The following METTL24 variants were observed in gnomAD, a reference collection of about 807,000 sequenced individuals.
METTL24 encodes the protein probable methyltransferase-like protein 24.
A neutral mutation model predicts 32.7 loss-of-function variants in METTL24; 29 were observed. The ratio of observed to expected loss-of-function variants is 0.89; its 90% CI spans 0.66 to 1.21. METTL24 has a LOEUF of 1.21. Ranked by LOEUF, METTL24 falls within the 50% of genes most tolerant of loss-of-function variation. The pLI is 0.00. For synonymous variants in METTL24, 163 were observed against 179.5 expected (o/e 0.91, Z 0.73); for missense variants, 439 against 468.1 (o/e 0.94, Z 0.57).
At chr6:110,330,808 C>T (rs970139055) in intron 1 of METTL24, among the ~76,000 whole-genome samples, 3 of 152,130 alleles carry the variant, frequency 2.0e-5, no homozygotes, top group Non-Finnish European at 4.4e-5. Flanking sequence ...ACAAATATAT[C>T]GACATTATCC....
At chr6:110,334,304 G>A (rs139415700) in intron 1 of METTL24, among the ~76,000 whole-genome samples, 1 of 152,252 alleles carries the variant, frequency 6.6e-6, no homozygotes, top group East Asian at 1.9e-4. Context: ...TCACGGAAAA[G>A]AATTAAAATG....
At chr6:110,288,340 C>T (rs1009000055) in intron 4 of METTL24, among the ~76,000 whole-genome samples, 4 of 152,142 alleles carry the variant, frequency 2.6e-5, no homozygotes, top group Non-Finnish European at 5.9e-5. Flanking sequence ...CCCAGACCTC[C>T]GGAATCACTA....
chr6:110,277,148 TC>T (rs1262870775), intron 4 of METTL24, among the ~76,000 whole-genome samples: 1 of 152,222 alleles, frequency 6.6e-6, no homozygotes, highest in Non-Finnish European at 1.5e-5. Flanking sequence ...AGAGCGCTTT[TC>T]TTCGTGAAAT....
chr6:110,254,458 G>A (rs1383107405), intron 4 of METTL24, among the ~76,000 whole-genome samples: 2 of 151,874 alleles, frequency 1.3e-5, no homozygotes, highest in Non-Finnish European at 2.9e-5. Flanking sequence ...ATGGCAAAAT[G>A]CTGTCTCTAC....
intron 4 of METTL24, among the ~76,000 whole-genome samples, chr6:110,287,532 G>C (rs1348643035): frequency 1.3e-5 from 2 of 152,160 alleles, no homozygotes; most frequent in African/African-American, 4.8e-5. Flanking sequence ...AAATTGCCCT[G>C]GGACCTGAAA....
chr6:110,301,675 T>C (rs1186562376), intron 3 of METTL24, among the ~76,000 whole-genome samples: 2 of 152,176 alleles, frequency 1.3e-5, no homozygotes, highest in African/African-American at 4.8e-5. Flanking sequence ...CCTGCAGACA[T>C]ACAAGCAACA....
At chr6:110,343,868 C>T (rs549820651) in intron 1 of METTL24, among the ~76,000 whole-genome samples, 1 of 152,026 alleles carries the variant, frequency 6.6e-6, no homozygotes. Context: ...CAGTGCAGAG[C>T]GAAGAGGAGA....
At chr6:110,293,529 CAATAAT>C (rs1331633964) in intron 4 of METTL24, among the ~76,000 whole-genome samples, 1 of 151,820 alleles carries the variant, frequency 6.6e-6, no homozygotes, top group Non-Finnish European at 1.5e-5. Context: ...ATATGTCCTT[CAATAAT>C]AATAATATCT....
intron 1 of METTL24, among the ~76,000 whole-genome samples, chr6:110,332,046 C>A (rs1772119280): frequency 6.6e-6 from 1 of 152,156 alleles, no homozygotes; most frequent in African/African-American, 2.4e-5. Flanking sequence ...AAATCCAGAG[C>A]GCCAATCTGC....
intron 4 of METTL24, among the ~76,000 whole-genome samples, chr6:110,275,605 C>T (rs1771033649): frequency 6.6e-6 from 1 of 152,176 alleles, no homozygotes; most frequent in Non-Finnish European, 1.5e-5. Context: ...TTTGTCTCCT[C>T]CTAGAGACCA....
At chr6:110,305,634 T>C (rs1034877109) in intron 3 of METTL24, among the ~76,000 whole-genome samples, 1 of 151,890 alleles carries the variant, frequency 6.6e-6, no homozygotes, top group Non-Finnish European at 1.5e-5. Flanking sequence ...AGATGCCATC[T>C]CATGCCAGTT....
chr6:110,305,611 C>A (rs933494361), intron 3 of METTL24, among the ~76,000 whole-genome samples: 2 of 151,254 alleles, frequency 1.3e-5, no homozygotes, highest in Non-Finnish European at 2.9e-5. Flanking sequence ...AAATGCAAAT[C>A]AAAACCACAA....
At chr6:110,293,799 C>A (rs921477835) in intron 4 of METTL24, among the ~76,000 whole-genome samples, 2 of 151,638 alleles carry the variant, frequency 1.3e-5, no homozygotes, top group African/African-American at 2.4e-5. Context: ...CCTTAAAGTG[C>A]CAGAAATGTT....
chr6:110,244,011 T>C lies in METTL24; in HGVS notation c.*1935A>G, dbSNP rs1778098905. On this transcript the variant is annotated 3_prime_UTR_variant, in exon 5 of 5. Transcript: ENST00000338882. ...ACGTGTTTAATCCTGTAAATAGTAA[T>C]GAGAGAGAGCATTTGAACCGCTGAG... 6.6e-6 allele frequency among the ~76,000 whole-genome samples: 1 copy of C among 152,154 alleles called. No individual in the cohort carries two copies. The highest frequency in any genetic ancestry group is 2.4e-5 in the African/African-American group (1 of 41,446).
At chr6:110,345,124 A>C (rs1376888372) in intron 1 of METTL24, among the ~76,000 whole-genome samples, 1 of 152,232 alleles carries the variant, frequency 6.6e-6, no homozygotes, top group African/African-American at 2.4e-5. Flanking sequence ...GGTCATGAAC[A>C]GACATTTCTC....
intron 1 of METTL24, among the ~76,000 whole-genome samples, chr6:110,330,368 C>G (rs1378607374): frequency 1.3e-5 from 2 of 152,148 alleles, no homozygotes; most frequent in Non-Finnish European, 2.9e-5. Flanking sequence ...CAGGCACAGT[C>G]ACAGGAAGTG....
intron 4 of METTL24, among the ~76,000 whole-genome samples, chr6:110,256,134 G>T (rs548310246): frequency 6.6e-6 from 1 of 152,088 alleles, no homozygotes; most frequent in Non-Finnish European, 1.5e-5. Flanking sequence ...AAAACATTAA[G>T]AAGTCTCGGG....
chr6:110,303,325 C>G (rs1275078832), intron 3 of METTL24, among the ~76,000 whole-genome samples: 2 of 152,068 alleles, frequency 1.3e-5, no homozygotes, highest in African/African-American at 4.8e-5. Flanking sequence ...ACCATTCACT[C>G]CCCTGGAAAA....
At chr6:110,246,820 C>T (rs983676337) in intron 4 of METTL24, among the ~76,000 whole-genome samples, 7 of 151,924 alleles carry the variant, frequency 4.6e-5, no homozygotes, top group African/African-American at 1.5e-4. Context: ...AGGCCTCATC[C>T]CCCCAACCCC....
Sources: gnomAD v4.1 joint callset for allele counts (sites outside exome capture counted in the v4.1 genomes callset) on GRCh38, gnomAD v4.1.1 for gene constraint, MANE v1.5 for transcripts, NCBI Gene and HGNC (gene_info 2026-07-23, HGNC 2026-07-21) for gene names.